The following DCC variants were observed in gnomAD, a reference collection of about 807,000 sequenced individuals.
The protein encoded by DCC is DCC netrin 1 receptor, also known as netrin receptor DCC.
A neutral mutation model predicts 172.5 loss-of-function variants in DCC; 58 were observed. The observed-to-expected ratio is 0.34, with a 90% CI of 0.27 to 0.42. The LOEUF (loss-of-function observed/expected upper bound fraction) is 0.42. Among genes scored for constraint, DCC ranks in the 10% least tolerant of loss-of-function variants. The probability of loss-of-function intolerance (pLI) is 1.00; values close to 1 mark genes in which losing one functional copy is unlikely to be tolerated. For synonymous variants in DCC, 709 were observed against 644.5 expected (o/e 1.10, Z -1.52); for missense variants, 1,740 against 1,791.0 (o/e 0.97, Z 0.51).
rs1184751253 is a variant in DCC at position 53,428,480 on chromosome 18, T to C, written c.3164-6664T>C. The stretch of plus-strand genomic sequence containing the variant: ...TATATATATTATATAATATATAATA[T>C]ATATTTTTTATATATTTATATTGTA... On this transcript the variant is annotated intron_variant, in intron 21 of 28. Transcript: ENST00000442544. Among the ~76,000 whole-genome samples the C allele has an allele frequency of 3.4e-5, 2 of 58,196 alleles. 1 individual carries two copies. Among genetic ancestry groups the C allele is most frequent in the Non-Finnish European group, 6.8e-5 (2 of 29,316 alleles). 38.2% of individuals were successfully genotyped at this position (58,196 alleles called of 152,430 possible).
At chr18:53,192,908 G>A (rs775515550) in intron 9 of DCC, among the ~76,000 whole-genome samples, 2 of 152,098 alleles carry the variant, frequency 1.3e-5, no homozygotes, top group Non-Finnish European at 2.9e-5. Context: ...ACCTAGCTAT[G>A]CAAATCTGTA....
intron 22 of DCC, among the ~76,000 whole-genome samples, chr18:53,440,389 A>G (rs1246349422): frequency 1.3e-5 from 2 of 152,194 alleles, no homozygotes; most frequent in African/African-American, 2.4e-5. Context: ...TGGTACATCA[A>G]TGTTAATAAA....
intron 5 of DCC, among the ~76,000 whole-genome samples, chr18:53,017,365 G>A (rs2041823526): frequency 6.6e-6 from 1 of 152,008 alleles, no homozygotes; most frequent in Non-Finnish European, 1.5e-5. Context: ...TCATTCTAAA[G>A]GAACATATAA....
At chr18:52,615,896 C>T (rs1258921197) in intron 1 of DCC, among the ~76,000 whole-genome samples, 3 of 151,964 alleles carry the variant, frequency 2.0e-5, no homozygotes, top group Non-Finnish European at 4.4e-5. Flanking sequence ...AATGTGTATA[C>T]ATTTATATGC....
intron 12 of DCC, among the ~76,000 whole-genome samples, chr18:53,282,441 G>C (rs2056883637): frequency 6.6e-6 from 1 of 152,110 alleles, no homozygotes; most frequent in Non-Finnish European, 1.5e-5. Flanking sequence ...TTCTTGGAGA[G>C]TTTCTGAAGT....
intron 12 of DCC, among the ~76,000 whole-genome samples, chr18:53,247,744 A>T (rs2056382320): frequency 6.6e-6 from 1 of 152,010 alleles, no homozygotes; most frequent in African/African-American, 2.4e-5. Flanking sequence ...TGGGCTTTTG[A>T]GACCACTCTT....
chr18:52,920,179 G>A (rs114199841), intron 3 of DCC, among the ~76,000 whole-genome samples: 2,873 of 152,004 alleles, frequency 0.019, 80 homozygotes, highest in African/African-American at 0.051. Context: ...TAGGTATAAC[G>A]TCTAAATAAT....
intron 5 of DCC, chr18:52,940,994 C>G (rs968308538): frequency 7.9e-5 from 12 of 151,994 alleles, no homozygotes; most frequent in African/African-American, 2.9e-4. Flanking sequence ...CTGAAATGAT[C>G]AAAGGAATGA....
intron 7 of DCC, among the ~76,000 whole-genome samples, chr18:53,079,247 G>A (rs1246310955): frequency 6.6e-6 from 1 of 151,908 alleles, no homozygotes; most frequent in Non-Finnish European, 1.5e-5. Flanking sequence ...TTGATCTCAT[G>A]AATTCCATGT....
chr18:52,668,801 T>C (rs1209360445), intron 1 of DCC, among the ~76,000 whole-genome samples: 2 of 152,216 alleles, frequency 1.3e-5, no homozygotes, highest in Non-Finnish European at 2.9e-5. Context: ...CCATGGTTGG[T>C]TGGCTTGGTT....
chr18:52,759,395 C>A (rs1432529899), intron 2 of DCC, among the ~76,000 whole-genome samples: 1 of 152,056 alleles, frequency 6.6e-6, no homozygotes, highest in Non-Finnish European at 1.5e-5. Context: ...GAAACATCAA[C>A]AAAATAACCT....
chr18:53,130,444 T>C (rs1288106231), intron 7 of DCC, among the ~76,000 whole-genome samples: 4 of 152,152 alleles, frequency 2.6e-5, no homozygotes, highest in Admixed American at 2.6e-4. Flanking sequence ...TTTTTCTTTT[T>C]GTTTGCCGTC....
At chr18:53,065,908 C>A (rs372995168) in intron 6 of DCC, 138 bp from the exon 7 acceptor site, 4 of 983,930 alleles carry the variant, frequency 4.1e-6, no homozygotes, top group African/African-American at 3.2e-5. Flanking sequence ...GACACGTCTG[C>A]GAGGCTGAGA....
intron 12 of DCC, among the ~76,000 whole-genome samples, chr18:53,276,951 C>T (rs2056813184): frequency 1.3e-5 from 2 of 151,958 alleles, no homozygotes; most frequent in Admixed American, 6.6e-5. Flanking sequence ...TAAAAATAGT[C>T]ACCAAGAGAG....
At chr18:52,398,374 G>A (rs1362988698) in intron 1 of DCC, among the ~76,000 whole-genome samples, 1 of 151,850 alleles carries the variant, frequency 6.6e-6, no homozygotes, top group South Asian at 2.1e-4. Context: ...TCATCTGTGG[G>A]TTTTTTCCCA....
chr18:53,045,980 G>A (rs188324338), intron 5 of DCC, among the ~76,000 whole-genome samples: 3 of 151,806 alleles, frequency 2.0e-5, no homozygotes, highest in Admixed American at 1.3e-4. Context: ...TAACCTGTCC[G>A]TTTCACACAT....
At chr18:53,123,585 A>C (rs2043513913) in intron 7 of DCC, among the ~76,000 whole-genome samples, 2 of 152,008 alleles carry the variant, frequency 1.3e-5, no homozygotes, top group South Asian at 4.2e-4. Flanking sequence ...ATTTAAGGAT[A>C]CCTAGTTGTA....
intron 13 of DCC, among the ~76,000 whole-genome samples, chr18:53,316,466 GAA>G (rs2057345119): frequency 6.9e-6 from 1 of 145,028 alleles, no homozygotes; most frequent in African/African-American, 2.7e-5. Context: ...GAAATTTAAA[GAA>G]GTTTTTTTTT....
intron 1 of DCC, among the ~76,000 whole-genome samples, chr18:52,403,872 T>C (rs1986534539): frequency 6.6e-6 from 1 of 152,116 alleles, no homozygotes; most frequent in South Asian, 2.1e-4. Flanking sequence ...TTGATGAGTG[T>C]ATTGTTCACT....
Sources: gnomAD v4.1 joint callset for allele counts (sites outside exome capture counted in the v4.1 genomes callset) on GRCh38, gnomAD v4.1.1 for gene constraint, MANE v1.5 for transcripts, NCBI Gene and HGNC (gene_info 2026-07-23, HGNC 2026-07-21) for gene names.